C1orf54: variants seen among roughly 807,000 people sequenced by gnomAD.
The protein encoded by C1orf54 is chromosome 1 open reading frame 54.
C1orf54 carries 12 observed loss-of-function variants against 14.7 expected under a neutral mutation model. The observed-to-expected ratio is 0.82, with a 90% CI of 0.52 to 1.32. The LOEUF (loss-of-function observed/expected upper bound fraction) is 1.32, where lower values mean the gene tolerates loss of function less well. Among genes scored for constraint, C1orf54 ranks in the 40% most tolerant of loss-of-function variants. The probability of loss-of-function intolerance (pLI) is 0.00; values close to 1 mark genes in which losing one functional copy is unlikely to be tolerated. For synonymous variants in C1orf54, 65 were observed against 56.3 expected (o/e 1.16, Z -0.70); for missense variants, 163 against 162.2 (o/e 1.00, Z -0.03).
chr1:150,274,063 G>C, intron 1 of C1orf54, 24 bp from the exon 2 acceptor site: 1 of 1,554,886 alleles, frequency 6.4e-7, no homozygotes, highest in East Asian at 2.2e-5. Context: ...GATGTCCCTT[G>C]ACCTCTAGTC....
At chr1:150,271,663 G>T (rs1221263872), upstream of C1orf54, among the ~76,000 whole-genome samples, 2 of 152,208 alleles carry the variant, frequency 1.3e-5, no homozygotes, top group Non-Finnish European at 2.9e-5. Context: ...AAGGGTTTCT[G>T]AATTGAATGA....
At chr1:150,278,042 A>G (rs1652809339) in intron 4 of C1orf54, among the ~76,000 whole-genome samples, 1 of 152,112 alleles carries the variant, frequency 6.6e-6, no homozygotes, top group African/African-American at 2.4e-5. Flanking sequence ...GGTTGCAGTG[A>G]GCCGAAATCG....
chr1:150,274,195 C>A, intron 2 of C1orf54, 25 bp downstream of exon 2: 1 of 1,512,576 alleles, frequency 6.6e-7, no homozygotes. Flanking sequence ...GGCTCTTGCC[C>A]TTAGCCAACT....
intron 4 of C1orf54, among the ~76,000 whole-genome samples, chr1:150,278,352 T>A (rs1652835601): frequency 6.6e-6 from 1 of 152,122 alleles, no homozygotes; most frequent in African/African-American, 2.4e-5. Context: ...TTGACCAAAG[T>A]GGGAACTATG....
chr1:150,278,045 C>T (rs1002775812), intron 4 of C1orf54, among the ~76,000 whole-genome samples: 1 of 151,902 alleles, frequency 6.6e-6, no homozygotes, highest in Non-Finnish European at 1.5e-5. Flanking sequence ...TGCAGTGAGC[C>T]GAAATCGCGC....
At chr1:150,272,762 G>A (rs1179353689), upstream of C1orf54, 21 of 1,592,090 alleles carry the variant, frequency 1.3e-5, no homozygotes, top group African/African-American at 6.7e-5. Context: ...GGTAAGTTTG[G>A]TGGGAAACTC....
At chr1:150,279,009 C>T (rs1479530907) in intron 4 of C1orf54, among the ~76,000 whole-genome samples, 7 of 152,338 alleles carry the variant, frequency 4.6e-5, no homozygotes, top group Middle Eastern at 6.8e-3. Context: ...CAGTGGCTCA[C>T]GCCTGTAATC....
upstream of C1orf54, among the ~76,000 whole-genome samples, chr1:150,270,995 C>CA (rs782157892): frequency 0.087 from 8,214 of 94,580 alleles, 809 homozygotes; most frequent in African/African-American, 0.15. Context: ...GACTCCGTCT[C>CA]AAAAAAAAAA....
In C1orf54 at chr1:150,272,875, C is replaced by CCT. The variant is rs782087081; in HGVS notation, c.46+19_46+20dup. 2.5e-5 allele frequency: 41 copies of CCT among 1,613,894 alleles called. No homozygotes were observed. Among genetic ancestry groups the CCT allele is most frequent in the Non-Finnish European group, 3.5e-5 (41 of 1,179,934 alleles). On this transcript the variant is annotated intron_variant, in intron 1 of 5. Coordinates refer to ENST00000369099, the MANE Select transcript of C1orf54 (RefSeq NM_024579.4). The stretch of plus-strand genomic sequence containing the variant: ...GCCACTTATCCTGGGTAAGTCCACT[C>CCT]CTCTCTCTGAGCTTTTGTGCCAGGT...
intron 2 of C1orf54, 102 bp from the exon 3 acceptor site, chr1:150,275,639 C>A: frequency 1.1e-6 from 1 of 882,610 alleles, no homozygotes; most frequent in Admixed American, 2.6e-5. Flanking sequence ...ATAAATGTTA[C>A]AACTTAAGTT....
upstream of C1orf54, chr1:150,272,773 T>C (rs1553851518): frequency 2.5e-6 from 4 of 1,606,704 alleles, no homozygotes; most frequent in South Asian, 4.4e-5. Flanking sequence ...TGGGAAACTC[T>C]GTAATTTCCT....
upstream of C1orf54, chr1:150,268,898 C>T: frequency 8.4e-7 from 1 of 1,187,934 alleles, no homozygotes. Flanking sequence ...CGTGGGGTGG[C>T]AACGCGACCC....
At chr1:150,268,827 A>AG, upstream of C1orf54, 2 of 1,586,918 alleles carry the variant, frequency 1.3e-6, no homozygotes, top group Non-Finnish European at 1.7e-6. Flanking sequence ...TCAGGTGGGA[A>AG]GGGGGGTGGG....
intron 3 of C1orf54, 108 bp downstream of exon 3, chr1:150,275,907 C>A: frequency 3.3e-6 from 3 of 921,544 alleles, no homozygotes; most frequent in Non-Finnish European, 5.0e-6. Context: ...GAGGCCAAGG[C>A]GAGTGGATCA....
At position 150,276,633 on chromosome 1, in the gene C1orf54, G is replaced by A. The variant is rs782541055; in HGVS notation, c.300+1G>A. On this transcript the variant is annotated splice_donor_variant, in intron 4 of 5. Coordinates refer to ENST00000369099, the MANE Select transcript of C1orf54 (RefSeq NM_024579.4). LOFTEE classifies it high-confidence loss of function. ...TGTGAAACCAGTAACAACGGAACCT[G>A]TGAGTTGATTGGGGATTGGGGGCTG... 3 of 1,612,254 alleles carry A rather than the reference G, an allele frequency of 1.9e-6. No homozygotes were observed. The highest frequency in any genetic ancestry group is 3.3e-5 in the Admixed American group (2 of 60,010).
At chr1:150,276,358 G>C (rs1235856991) in intron 3 of C1orf54, among the ~76,000 whole-genome samples, 164 bp from the exon 4 acceptor site, 1 of 152,136 alleles carries the variant, frequency 6.6e-6, no homozygotes, top group Non-Finnish European at 1.5e-5. Context: ...TTTTGAATGA[G>C]ATGGGTACAA....
intron 4 of C1orf54, among the ~76,000 whole-genome samples, chr1:150,277,460 G>A (rs946876560): frequency 7.6e-5 from 9 of 119,204 alleles, no homozygotes; most frequent in Middle Eastern, 8.8e-3. Context: ...CCGAGATCAC[G>A]CCACTCTACT....
At chr1:150,274,854 G>A (rs1468874898) in intron 2 of C1orf54, among the ~76,000 whole-genome samples, 2 of 147,832 alleles carry the variant, frequency 1.4e-5, no homozygotes, top group Non-Finnish European at 3.0e-5. Flanking sequence ...CAGAGGTTGT[G>A]GTGAACTGAG....
chr1:150,279,324 G>A (rs1474749900), intron 4 of C1orf54, among the ~76,000 whole-genome samples: 1 of 152,152 alleles, frequency 6.6e-6, no homozygotes, highest in Non-Finnish European at 1.5e-5. Flanking sequence ...TAAATTCCTT[G>A]AGGACAGGAA....
Sources: gnomAD v4.1 joint callset for allele counts (sites outside exome capture counted in the v4.1 genomes callset) on GRCh38, gnomAD v4.1.1 for gene constraint, MANE v1.5 for transcripts, NCBI Gene and HGNC (gene_info 2026-07-23, HGNC 2026-07-21) for gene names.